PARP1: variants seen among roughly 807,000 people sequenced by gnomAD.
PARP1 encodes poly(ADP-ribose) polymerase 1.
A neutral mutation model predicts 118.7 loss-of-function variants in PARP1; 44 were observed. That is an observed-to-expected ratio of 0.37 (90% CI 0.29 to 0.48). PARP1 has a LOEUF of 0.48. Among genes scored for constraint, PARP1 ranks in the 20% least tolerant of loss-of-function variants. The pLI, the probability that PARP1 is intolerant of heterozygous loss-of-function variation, is 0.99. For synonymous variants in PARP1, 492 were observed against 483.2 expected, an observed-to-expected ratio of 1.02 and a Z score of -0.24; for missense variants, 1,100 against 1,272.4, an observed-to-expected ratio of 0.86 and a Z score of 2.06.
Position 226,402,150 on chromosome 1 carries a change from C to T in PARP1, c.286+64G>A, listed in dbSNP as rs558144264. On this transcript the variant is annotated intron_variant, in intron 2 of 22. Transcript: ENST00000366794. ...GGGAGGTTTGCTTTGCTCTCTGAGA[C>T]GAGGCCCTCCTGGGAGCTTCAGGGT... The T allele has an allele frequency of 1.1e-4, 175 of 1,613,824 alleles. No individual in the cohort carries two copies. The African/African-American group carries it at 1.3e-3, about 12-fold the overall frequency.
At chr1:226,380,890 A>G (rs1021970401) in intron 9 of PARP1, among the ~76,000 whole-genome samples, 178 bp downstream of exon 9, 2 of 152,218 alleles carry the variant, frequency 1.3e-5, no homozygotes, top group African/African-American at 4.8e-5. Context: ...GTGAATCTAC[A>G]GTACAAAGCA....
intron 12 of PARP1, among the ~76,000 whole-genome samples, chr1:226,378,922 C>T (rs376273786): frequency 3.3e-5 from 5 of 152,322 alleles, no homozygotes; most frequent in African/African-American, 1.2e-4. Flanking sequence ...TGAAACCATA[C>T]CTTGGGACAA....
chr1:226,379,113 C>T (rs1427720128), intron 12 of PARP1, 29 bp downstream of exon 12: 9 of 1,613,878 alleles, frequency 5.6e-6, no homozygotes, highest in Middle Eastern at 1.6e-4. Context: ...CATGTCTCTG[C>T]ACAACCAGGC....
intron 8 of PARP1, among the ~76,000 whole-genome samples, chr1:226,382,230 C>T (rs987554056): frequency 3.3e-5 from 5 of 152,214 alleles, no homozygotes; most frequent in African/African-American, 1.2e-4. Flanking sequence ...AAACAAGCAG[C>T]GGGTCACTTC....
intron 15 of PARP1, among the ~76,000 whole-genome samples, chr1:226,369,563 C>A (rs1012224137): frequency 6.6e-5 from 10 of 152,164 alleles, no homozygotes; most frequent in Non-Finnish European, 1.5e-5. Context: ...TTGAAGTATG[C>A]GGGTCCACTT....
Position 226,380,046 on chromosome 1 carries a change from GAAC to G in PARP1, c.1416_1418del (p.Leu472del), listed in dbSNP as rs1289172643. The G allele has an allele frequency of 6.2e-7, 1 of 1,614,228 alleles. No individual in the cohort carries two copies. The highest frequency in any genetic ancestry group is 1.7e-5 in the Admixed American group (1 of 60,032). Reference sequence around the variant, plus strand: ...CCCAAGGGGACAAGATGTGCGCTAAGAACAACTCCTGAAGGCTCTTGGTGGAGG... The same window carrying G: ...CCCAAGGGGACAAGATGTGCGCTAAGAACTCCTGAAGGCTCTTGGTGGAGG... On this transcript the variant is annotated inframe_deletion, in exon 10 of 23. Transcript: ENST00000366794.
At chr1:226,369,883 G>T (rs904170395) in intron 15 of PARP1, among the ~76,000 whole-genome samples, 4 of 151,930 alleles carry the variant, frequency 2.6e-5, no homozygotes, top group African/African-American at 9.7e-5. Context: ...CTTGAACCTG[G>T]GGATGGAGGT....
At chr1:226,367,639 G>A (rs780029348) in intron 16 of PARP1, 31 bp from the exon 17 acceptor site, 7 of 1,613,206 alleles carry the variant, frequency 4.3e-6, no homozygotes, top group Non-Finnish European at 5.9e-6. Context: ...CCCCGACTTA[G>A]GTATCATGGT....
chr1:226,374,322 A>G lies in PARP1; in HGVS notation c.1974T>C (p.Asn658=). The G allele has an allele frequency of 6.2e-7, 1 of 1,614,162 alleles. No individual in the cohort carries two copies. The highest frequency in any genetic ancestry group is 1.1e-5 in the South Asian group (1 of 91,080). ...TGGGGAGCTTGGACTTGGTGCCAGGATTTACTGTCAGCTTCTTCACTGCCT... is the reference window on the plus strand; with the variant it reads ...TGGGGAGCTTGGACTTGGTGCCAGGGTTTACTGTCAGCTTCTTCACTGCCT... ...DEEAVKKLTV[N]PGTKSKLPKP... The change falls in exon 14 of 23, where the codon AAT becomes AAC. Residue 658 remains asparagine (N), a synonymous_variant. Transcript: ENST00000366794.
chr1:226,382,810 T>G (rs1576397030), intron 8 of PARP1, among the ~76,000 whole-genome samples: 1 of 152,200 alleles, frequency 6.6e-6, no homozygotes, highest in African/African-American at 2.4e-5. Flanking sequence ...GAGTCACTGC[T>G]CCCAGCCGAT....
intron 2 of PARP1, among the ~76,000 whole-genome samples, chr1:226,395,683 C>T (rs1664899991): frequency 6.6e-6 from 1 of 152,168 alleles, no homozygotes; most frequent in Non-Finnish European, 1.5e-5. Context: ...ACCTAAATTT[C>T]CACAGACATA....
At chr1:226,401,325 G>C (rs571802144) in intron 2 of PARP1, among the ~76,000 whole-genome samples, 22 of 152,340 alleles carry the variant, frequency 1.4e-4, no homozygotes, top group African/African-American at 5.3e-4. Context: ...ATGGCTCTGT[G>C]ACTGCTCCTG....
chr1:226,392,927 G>C (rs1195592531), intron 2 of PARP1: 2 of 1,568,226 alleles, frequency 1.3e-6, no homozygotes, highest in South Asian at 2.4e-5. Context: ...CTAAGATTAG[G>C]AATAAGACGA....
chr1:226,400,027 T>A (rs1168708378), intron 2 of PARP1, among the ~76,000 whole-genome samples: 2 of 151,404 alleles, frequency 1.3e-5, no homozygotes, highest in Non-Finnish European at 2.9e-5. Flanking sequence ...AAAGTTTACA[T>A]ATAAAAAAAG....
chr1:226,376,149 T>C (rs982731735), intron 13 of PARP1, among the ~76,000 whole-genome samples: 6 of 152,138 alleles, frequency 3.9e-5, no homozygotes, highest in Non-Finnish European at 8.8e-5. Flanking sequence ...AACTAAAGAA[T>C]TCCCCCTACG....
At chr1:226,383,289 C>A in intron 7 of PARP1, 106 bp from the exon 8 acceptor site, 1 of 893,392 alleles carries the variant, frequency 1.1e-6, no homozygotes, top group South Asian at 1.5e-5. Context: ...CTCTTTTTTT[C>A]TTCTTACAAT....
chr1:226,363,072 G>A (rs371286102), intron 21 of PARP1, 27 bp downstream of exon 21: 12 of 1,585,422 alleles, frequency 7.6e-6, no homozygotes, highest in Admixed American at 5.0e-5. Flanking sequence ...GCCTCGGGCT[G>A]TAGCAACAGC....
In PARP1 at chr1:226,361,376, T is replaced by C. The variant is rs1664133598; in HGVS notation, c.*84A>G. On this transcript the variant is annotated 3_prime_UTR_variant, in exon 23 of 23. Transcript: ENST00000366794. The stretch of plus-strand genomic sequence containing the variant: ...AGTACAGGTACTACCCATCAGCAAC[T>C]TAGCGGCCAGGTGAGTTGGTGCAGA... The C allele has an allele frequency of 2.3e-6, 2 of 857,718 alleles. No homozygotes were observed. The highest frequency in any genetic ancestry group is 1.7e-5 in the African/African-American group (1 of 60,048). 53.1% of individuals were successfully genotyped at this position (857,718 alleles called of 1,614,324 possible). A position where few individuals can be genotyped will look rare whatever the true frequency, so the allele number is the denominator to read the frequency against.
rs1290042388 is a variant in PARP1, at chr1:226,362,093, A to G, written c.2849-10T>C. The G allele has an allele frequency of 4.0e-6, 6 of 1,492,552 alleles. No homozygotes were observed. The African/African-American group carries it at 8.3e-5, about 21-fold the overall frequency. The allele number at this position is 1,492,552 out of a possible 1,614,324, so 92.5% of individuals were successfully genotyped here. A position where few individuals can be genotyped will look rare whatever the true frequency, so the allele number is the denominator to read the frequency against. On this transcript the variant is annotated splice_polypyrimidine_tract_variant and intron_variant, in intron 21 of 22. Transcript: ENST00000366794. ...GTAGTTTTGCCCAAACCTGAAAAAC[A>G]GAAGTCACAAGTGACATGAACTGTG...
Sources: allele counts gnomAD v4.1 joint callset (sites outside exome capture counted in the v4.1 genomes callset), GRCh38; gene constraint gnomAD v4.1.1; transcripts MANE v1.5; gene names NCBI Gene and HGNC (gene_info 2026-07-23, HGNC 2026-07-21).